The following CPHXL variants were observed in gnomAD, a reference collection of about 807,000 sequenced individuals.
The protein encoded by CPHXL is cytoplasmic polyadenylated homeobox-like protein.
chr16:75,721,416 A>G (rs1238961630), intron 1 of CPHXL, among the ~76,000 whole-genome samples: 2 of 152,246 alleles, frequency 1.3e-5, no homozygotes, highest in African/African-American at 4.8e-5. Flanking sequence ...AGTTCTACCA[A>G]GCAAATGGAA....
Position 75,718,478 on chromosome 16 carries a change from C to T in CPHXL, c.26-20G>A, listed in dbSNP as rs1195412490. 1.5e-5 allele frequency: 6 copies of T among 398,244 alleles called. No individual in the cohort carries two copies. The highest frequency in any genetic ancestry group is 4.1e-5 in the African/African-American group (2 of 48,568). The allele number at this position is 398,244 out of a possible 1,614,324, so 24.7% of individuals were successfully genotyped here. On this transcript the variant is annotated intron_variant, in intron 1 of 2. Coordinates refer to ENST00000640559, the MANE Select transcript of CPHXL (RefSeq NM_001355613.1). ...GGAAACCTGACAAAAGTATAAGTAG[C>T]GAGAAGGGCATTAGAGAATATTGGT...
Position 75,714,826 on chromosome 16 carries a change from G to A in CPHXL, c.616C>T (p.Gln206Ter), listed in dbSNP as rs567957810. 2.5e-6 allele frequency: 1 copy of A among 398,676 alleles called. No homozygotes were observed. The highest frequency in any genetic ancestry group is 2.1e-5 in the African/African-American group (1 of 48,746). The allele number at this position is 398,676 out of a possible 1,614,324, so 24.7% of individuals were successfully genotyped here. The change falls in exon 3 of 3, where the codon CAG becomes TAG. Residue 206 changes from glutamine to a stop codon, truncating the protein, a stop_gained. Coordinates refer to ENST00000640559, the MANE Select transcript of CPHXL (RefSeq NM_001355613.1). LOFTEE classifies it low-confidence loss of function (END_TRUNC). ...LGIPSQQVAS[Q>*]SSYLVTGTEK... Reference sequence around the variant, plus strand: ...GTGCCTGTGACCAGATAGGAACTCTGGGAGGCCACCTGTTGACTGGGAATC... The same window carrying A: ...GTGCCTGTGACCAGATAGGAACTCTAGGAGGCCACCTGTTGACTGGGAATC...
Position 75,726,415 on chromosome 16 carries a change from T to C in CPHXL, c.25+3A>G, listed in dbSNP as rs1959560579. The C allele has an allele frequency of 5.0e-6, 2 of 398,486 alleles. No individual in the cohort carries two copies. The highest frequency in any genetic ancestry group is 8.8e-6 in the Non-Finnish European group (2 of 226,076). The allele number at this position is 398,486 out of a possible 1,614,324, so 24.7% of individuals were successfully genotyped here. A position where few individuals can be genotyped will look rare whatever the true frequency, so the allele number is the denominator to read the frequency against. ...GTAAGAGAAAAAGCTGATGGGAACT[T>C]ACCACCTGAAGTGCCGTCCAAATTC... On this transcript the variant is annotated splice_donor_region_variant and intron_variant, in intron 1 of 2. Transcript: ENST00000640559.
intron 2 of CPHXL, among the ~76,000 whole-genome samples, chr16:75,716,962 G>A (rs147560777): frequency 0.011 from 1,743 of 152,228 alleles, 37 homozygotes; most frequent in African/African-American, 0.04. Context: ...TGTCCAAAAT[G>A]TAAACTTTGA....
intron 1 of CPHXL, among the ~76,000 whole-genome samples, chr16:75,722,166 T>C (rs1453379484): frequency 6.6e-6 from 1 of 152,034 alleles, no homozygotes; most frequent in Non-Finnish European, 1.5e-5. Context: ...AGATCTAAAA[T>C]TGACACCCTA....
At chr16:75,720,171 C>T (rs1019719697) in intron 1 of CPHXL, among the ~76,000 whole-genome samples, 1 of 152,108 alleles carries the variant, frequency 6.6e-6, no homozygotes, top group Non-Finnish European at 1.5e-5. Flanking sequence ...AACAGAAAAA[C>T]CGGAAACTCT....
intron 1 of CPHXL, among the ~76,000 whole-genome samples, chr16:75,725,699 G>A (rs544286645): frequency 2.1e-5 from 3 of 140,438 alleles, no homozygotes; most frequent in South Asian, 4.9e-4. Flanking sequence ...TGATCCACCC[G>A]CCTCGGCCTC....
chr16:75,725,127 G>A (rs1370826017), intron 1 of CPHXL, among the ~76,000 whole-genome samples: 1 of 147,690 alleles, frequency 6.8e-6, no homozygotes, highest in African/African-American at 2.5e-5. Context: ...GCCTGTTGTG[G>A]GGTCGGGGGA....
At chr16:75,719,544 C>T (rs114100322) in intron 1 of CPHXL, among the ~76,000 whole-genome samples, 9,619 of 152,132 alleles carry the variant, frequency 0.063, 450 homozygotes, top group African/African-American at 0.12. Flanking sequence ...AGGGTGGCAG[C>T]GAGCCTGGAG....
intron 1 of CPHXL, among the ~76,000 whole-genome samples, chr16:75,723,439 C>T (rs1276893879): frequency 6.6e-6 from 1 of 152,160 alleles, no homozygotes; most frequent in Non-Finnish European, 1.5e-5. Flanking sequence ...AAATCACAAG[C>T]ATTCTTATAC....
At chr16:75,719,917 C>T (rs182932277) in intron 1 of CPHXL, among the ~76,000 whole-genome samples, 62 of 152,220 alleles carry the variant, frequency 4.1e-4, no homozygotes, top group African/African-American at 1.4e-3. Flanking sequence ...TCTAGAGGAA[C>T]GATCAGGCAG....
At chr16:75,721,163 G>T (rs974718143) in intron 1 of CPHXL, among the ~76,000 whole-genome samples, 1 of 152,144 alleles carries the variant, frequency 6.6e-6, no homozygotes, top group Admixed American at 6.6e-5. Flanking sequence ...CAATTGTTAA[G>T]ACCATCGAGG....
In CPHXL at chr16:75,714,777, A is replaced by G. The variant is rs1171077612; in HGVS notation, c.665T>C (p.Met222Thr). The G allele has an allele frequency of 5.0e-6, 2 of 398,552 alleles. No homozygotes were observed. Among genetic ancestry groups the G allele is most frequent in the Non-Finnish European group, 8.8e-6 (2 of 226,114 alleles). 24.7% of individuals were successfully genotyped at this position (398,552 alleles called of 1,614,324 possible). A position where few individuals can be genotyped will look rare whatever the true frequency, so the allele number is the denominator to read the frequency against. The change falls in exon 3 of 3, where the codon ATG (methionine) becomes ACG (threonine). Residue 222 changes from methionine to threonine, a missense_variant. Transcript: ENST00000640559. ...ACTTCCTGTGTCACCTCCATACCCC[A>G]TAGCACAGCCTGGATGCTTTTCAGT... ...TGTEKHPGCA[M>T]GYGGDTGSGH... is the part of the protein sequence containing the mutation.
At chr16:75,724,523 A>C (rs1405360852) in intron 1 of CPHXL, among the ~76,000 whole-genome samples, 2 of 152,260 alleles carry the variant, frequency 1.3e-5, no homozygotes, top group Non-Finnish European at 2.9e-5. Context: ...CAAATGAAAA[A>C]ATGCTCATCA....
At chr16:75,715,407 C>T (rs185707689) in intron 2 of CPHXL, among the ~76,000 whole-genome samples, 185 bp from the exon 3 acceptor site, 28 of 152,288 alleles carry the variant, frequency 1.8e-4, no homozygotes, top group African/African-American at 6.7e-4. Flanking sequence ...TGTGATAACA[C>T]AGGTCATGCA....
Position 75,714,378 on chromosome 16 carries a change from T to C in CPHXL, c.1064A>G (p.Gln355Arg). The C allele has an allele frequency of 2.5e-6, 1 of 398,630 alleles. No individual in the cohort carries two copies. The highest frequency in any genetic ancestry group is 4.4e-6 in the Non-Finnish European group (1 of 226,096). The allele number at this position is 398,630 out of a possible 1,614,324, so 24.7% of individuals were successfully genotyped here. ...TCCATTATTCTGAGGCAGTTGACTC[T>C]GCAGCTGTGACTGAGCCGAGGACCA... ...KQWSSAQSQL[Q>R]SQLPQNNGKP... is the part of the protein sequence containing the mutation. Residue 355 changes from glutamine to arginine, a missense_variant, in exon 3 of 3, where the codon CAG (glutamine) becomes CGG (arginine). By Grantham distance (43) the Gln-to-Arg change is conservative. Transcript: ENST00000640559.
intron 1 of CPHXL, among the ~76,000 whole-genome samples, 189 bp from the exon 2 acceptor site, chr16:75,718,647 T>TA (rs1490081604): frequency 6.6e-6 from 1 of 152,222 alleles, no homozygotes; most frequent in Non-Finnish European, 1.5e-5. Context: ...ACTCTAGGCC[T>TA]ATGGGCCAGA....
chr16:75,722,917 T>G (rs1239819721), intron 1 of CPHXL, among the ~76,000 whole-genome samples: 1 of 152,194 alleles, frequency 6.6e-6, no homozygotes, highest in Non-Finnish European at 1.5e-5. Context: ...CAAGTGGGCT[T>G]CATCCCTGGG....
intron 1 of CPHXL, among the ~76,000 whole-genome samples, chr16:75,724,455 G>C (rs1192908094): frequency 6.6e-6 from 1 of 152,198 alleles, no homozygotes; most frequent in Non-Finnish European, 1.5e-5. Flanking sequence ...CCATCAACAA[G>C]TGGGTGAAGG....
Sources: allele counts gnomAD v4.1 joint callset (sites outside exome capture counted in the v4.1 genomes callset), GRCh38; gene constraint gnomAD v4.1.1; transcripts MANE v1.5; gene names NCBI Gene and HGNC (gene_info 2026-07-23, HGNC 2026-07-21).